The following LHX9 variants were observed in gnomAD, a reference collection of about 807,000 sequenced individuals.
The protein encoded by LHX9 is LIM homeobox 9, also known as LIM/homeobox protein Lhx9.
Under a neutral mutation model 36.5 loss-of-function variants are expected in LHX9, and 9 were observed. The ratio of observed to expected loss-of-function variants is 0.25; its 90% confidence interval spans 0.15 to 0.43. The LOEUF (loss-of-function observed/expected upper bound fraction) is 0.43, where lower values mean the gene tolerates loss of function less well. Among genes scored for constraint, LHX9 ranks in the 20% least tolerant of loss-of-function variants. The pLI, the probability that LHX9 is intolerant of heterozygous loss-of-function variation, is 1.00. For synonymous variants in LHX9, 211 were observed against 212.1 expected, an observed-to-expected ratio of 0.99 and a Z score of 0.04; for missense variants, 464 against 526.4, an observed-to-expected ratio of 0.88 and a Z score of 1.16.
At chr1:197,915,425 C>T (rs181860757), upstream of LHX9, among the ~76,000 whole-genome samples, 1 of 152,314 alleles carries the variant, frequency 6.6e-6, no homozygotes, top group East Asian at 1.9e-4. Context: ...AGCCCCTCCT[C>T]AGGGCCCTTC....
At position 197,927,711 on chromosome 1, in the gene LHX9, A is replaced by G. The variant is rs1660189095; in HGVS notation, c.854A>G (p.Tyr285Cys). Residue 285 changes from tyrosine to cysteine, a missense_variant, in exon 4 of 5, where the codon TAC becomes TGC. By Grantham distance (194) the Tyr-to-Cys change is radical. Coordinates refer to ENST00000367387, the MANE Select transcript of LHX9 (RefSeq NM_020204.3). The stretch of plus-strand genomic sequence containing the variant: ...CACCAGCTCCGGACCATGAAATCCT[A>G]CTTTGCCATCAACCACAACCCGGAT... ...KHHQLRTMKS[Y>C]FAINHNPDAK... The G allele has an allele frequency of 1.2e-6, 2 of 1,614,048 alleles. No individual in the cohort carries two copies.
intron 2 of LHX9, among the ~76,000 whole-genome samples, chr1:197,920,558 T>C (rs1659951688): frequency 6.6e-6 from 1 of 152,052 alleles, no homozygotes; most frequent in East Asian, 1.9e-4. Flanking sequence ...ACTGAACTAG[T>C]GGCTCGGGCA....
Position 197,917,855 on chromosome 1 carries a change from A to G in LHX9, c.32A>G (p.Asn11Ser), listed in dbSNP as rs1380930186. The change falls in exon 1 of 5, where the codon AAC (asparagine) becomes AGC (serine). Residue 11 changes from asparagine (N) to serine (S), a missense_variant. Coordinates refer to ENST00000367387, the MANE Select transcript of LHX9 (RefSeq NM_020204.3). ...ATAGTGGGGTGCCGAGCAGAAGACAACTCGTGTCCTTTCCGCCCCCCAGCC... is the reference window on the plus strand; with the variant it reads ...ATAGTGGGGTGCCGAGCAGAAGACAGCTCGTGTCCTTTCCGCCCCCCAGCC... MEIVGCRAED[N>S]SCPFRPPAML... is the part of the protein sequence containing the mutation. 3.1e-6 allele frequency: 5 copies of G among 1,613,620 alleles called. No individual in the cohort carries two copies. The highest frequency in any genetic ancestry group is 4.2e-6 in the Non-Finnish European group (5 of 1,179,932).
At chr1:197,918,224 G>A (rs1659839189) in intron 1 of LHX9, 1 of 710,712 alleles carries the variant, frequency 1.4e-6, no homozygotes, top group Admixed American at 2.0e-5. Flanking sequence ...AGCTGATTCC[G>A]AAAGAGCAGG....
intron 2 of LHX9, 65 bp downstream of exon 2, chr1:197,920,239 G>A (rs1329763631): frequency 6.6e-5 from 98 of 1,493,744 alleles, no homozygotes; most frequent in Non-Finnish European, 8.7e-5. Flanking sequence ...GCCTGAGCCC[G>A]GAATCCCCTC....
At chr1:197,914,641 G>T (rs1659700448), upstream of LHX9, among the ~76,000 whole-genome samples, 1 of 152,100 alleles carries the variant, frequency 6.6e-6, no homozygotes, top group Admixed American at 6.5e-5. Flanking sequence ...TTCCTCCTTA[G>T]GAACTGTGAG....
chr1:197,929,048 G>A lies in LHX9; in HGVS notation c.983G>A (p.Arg328Gln), dbSNP rs745689120. The change falls in exon 5 of 5, where the codon CGG becomes CAG. Residue 328 changes from arginine (R) to glutamine (Q), a missense_variant. Arg to Gln is a conservative substitution (Grantham distance 43). Coordinates refer to ENST00000367387, the MANE Select transcript of LHX9 (RefSeq NM_020204.3). ...ARAKFRRNLL[R>Q]QENGGVDKAD... ...GCCAAATTCAGAAGGAACCTTTTGC[G>A]GCAGGAGAATGGGGGTGTTGATAAA... The A allele has an allele frequency of 3.1e-6, 5 of 1,612,890 alleles. No homozygotes were observed. The highest frequency in any genetic ancestry group is 3.4e-6 in the Non-Finnish European group (4 of 1,179,678).
chr1:197,927,279 C>A (rs1003778369), intron 3 of LHX9, among the ~76,000 whole-genome samples: 1 of 152,196 alleles, frequency 6.6e-6, no homozygotes, highest in African/African-American at 2.4e-5. Context: ...TCTCGTAGGT[C>A]TCTCTCACTC....
rs373384817 is a variant in LHX9, at chr1:197,919,295, T to G, written c.175-677T>G. Among the ~76,000 whole-genome samples the G allele has an allele frequency of 5.9e-5, 9 of 152,310 alleles. No homozygotes were observed. The South Asian group carries it at 6.2e-4, about 11-fold the overall frequency. ...CAAGACAAAGGTCTCAGTACGCCTG[T>G]TGATGCTAGGGAAAGAGGGGACTGT... On this transcript the variant is annotated intron_variant, in intron 1 of 4. Transcript: ENST00000367387.
At position 197,933,105 on chromosome 1, in the gene LHX9, T is replaced by C. The variant is rs1571410897; in HGVS notation, c.*3846T>C. The C allele has an allele frequency of 2.6e-5, 4 of 152,112 alleles. No homozygotes were observed. The highest frequency in any genetic ancestry group is 7.2e-5 in the African/African-American group (3 of 41,564). 9.4% of individuals were successfully genotyped at this position (152,112 alleles called of 1,614,324 possible). On this transcript the variant is annotated 3_prime_UTR_variant, in exon 5 of 5. Transcript: ENST00000367387. ...ATTGTTAAAGGGAATATTTGAAGAA[T>C]AAAATTTTAGCTATTCCTATTTAGC...
At chr1:197,923,584 G>A (rs1326408806) in intron 3 of LHX9, among the ~76,000 whole-genome samples, 4 of 151,888 alleles carry the variant, frequency 2.6e-5, no homozygotes, top group African/African-American at 9.7e-5. Flanking sequence ...CTCTCAGCCC[G>A]GATAAAGTCC....
intron 3 of LHX9, among the ~76,000 whole-genome samples, chr1:197,924,044 T>C (rs745595273): frequency 1.3e-5 from 2 of 152,228 alleles, no homozygotes; most frequent in African/African-American, 2.4e-5. Flanking sequence ...AAATTATCTA[T>C]GGGAATTGGT....
At position 197,933,757 on chromosome 1, in the gene LHX9, AAGAG is replaced by A. The variant is rs1393311154; in HGVS notation, c.*4510_*4513del. On this transcript the variant is annotated 3_prime_UTR_variant, in exon 5 of 5. Coordinates refer to ENST00000367387, the MANE Select transcript of LHX9 (RefSeq NM_020204.3). ...TTTTAAAACCAAAAAAAAAAAAAAA[AAGAG>A]AGAGAGAGAGAAAGGAGTACTAATT... 3 of 65,788 alleles carry A rather than the reference AAGAG, an allele frequency of 4.6e-5. No homozygotes were observed. Among genetic ancestry groups the A allele is most frequent in the African/African-American group, 1.3e-4 (3 of 22,594 alleles). The allele number at this position is 65,788 out of a possible 1,614,324, so 4.1% of individuals were successfully genotyped here.
At chr1:197,928,933 AGTGAGAGAGAAAG>A in intron 4 of LHX9, 56 bp from the exon 5 acceptor site, 2 of 1,419,846 alleles carry the variant, frequency 1.4e-6, no homozygotes, top group East Asian at 2.5e-5. Flanking sequence ...AAAAAGAAAA[AGTGAGAGAGAAAG>A]AAAAGAAATA....
rs190700363 is a variant in LHX9, at chr1:197,934,028, G to A, written c.*4769G>A. 3 of 152,280 alleles carry A rather than the reference G, an allele frequency of 2.0e-5. No individual in the cohort carries two copies. The highest frequency in any genetic ancestry group is 6.5e-5 in the Admixed American group (1 of 15,292). The allele number at this position is 152,280 out of a possible 1,614,324, so 9.4% of individuals were successfully genotyped here. A position where few individuals can be genotyped will look rare whatever the true frequency, so the allele number is the denominator to read the frequency against. ...GGGCAAAAAGCTTCACTGAGAGTTA[G>A]TGTCTGTGTGCTTTGGTTGAATAGC... On this transcript the variant is annotated 3_prime_UTR_variant, in exon 5 of 5. Coordinates refer to ENST00000367387, the MANE Select transcript of LHX9 (RefSeq NM_020204.3).
chr1:197,916,302 T>G (rs540031518), upstream of LHX9: 5 of 222,366 alleles, frequency 2.2e-5, no homozygotes, highest in Admixed American at 2.6e-4. Context: ...TCTGCCATTC[T>G]GCTTGTCAGT....
chr1:197,927,668 C>A lies in LHX9; in HGVS notation c.811C>A (p.Arg271=), dbSNP rs1393179908. 7.4e-6 allele frequency: 12 copies of A among 1,614,020 alleles called. No individual in the cohort carries two copies. The highest frequency in any genetic ancestry group is 2.2e-5 in the East Asian group (1 of 44,894). Residue 271 remains arginine, a synonymous_variant, in exon 4 of 5, where the codon CGA becomes AGA. Transcript: ENST00000367387. ...YPPSQKTKRM[R]TSFKHHQLRT... ...ACCCTCGCAGAAGACCAAGCGCATG[C>A]GAACCTCTTTCAAGCATCACCAGCT...
At position 197,925,190 on chromosome 1, in the gene LHX9, C is replaced by T. The variant is rs1015713237; in HGVS notation, c.734-2401C>T. Among the ~76,000 whole-genome samples, 16 of 152,126 alleles carry T rather than the reference C, an allele frequency of 1.1e-4. 4 individuals carry two copies. Among genetic ancestry groups the T allele is most frequent in the Non-Finnish European group, 2.1e-4 (14 of 68,020 alleles). ...ACAGGGCCTATAACTGTATTTTACACACTAAAAGGCTCTGCTGAGTTTTTA... is the reference window on the plus strand; with the variant it reads ...ACAGGGCCTATAACTGTATTTTACATACTAAAAGGCTCTGCTGAGTTTTTA... On this transcript the variant is annotated intron_variant, in intron 3 of 4. Coordinates refer to ENST00000367387, the MANE Select transcript of LHX9 (RefSeq NM_020204.3).
intron 1 of LHX9, 62 bp from the exon 2 acceptor site, chr1:197,919,910 A>T (rs949980760): frequency 1.9e-5 from 29 of 1,565,400 alleles, no homozygotes; most frequent in Admixed American, 1.5e-4. Context: ...CTGGGGGAGA[A>T]CCCCGCGTCG....
Sources: gnomAD v4.1 joint callset for allele counts (sites outside exome capture counted in the v4.1 genomes callset) on GRCh38, gnomAD v4.1.1 for gene constraint, MANE v1.5 for transcripts, NCBI Gene and HGNC (gene_info 2026-07-23, HGNC 2026-07-21) for gene names.